REXO1: variants seen among roughly 807,000 people sequenced by gnomAD.
REXO1 encodes RNA exonuclease 1 homolog.
REXO1 carries 42 observed loss-of-function variants against 102.6 expected under a neutral mutation model. The ratio of observed to expected loss-of-function variants is 0.41; its 90% CI spans 0.32 to 0.53. The LOEUF (loss-of-function observed/expected upper bound fraction) is 0.53, where lower values mean the gene tolerates loss of function less well. Ranked by LOEUF, REXO1 falls within the 20% of genes least tolerant of loss-of-function variation. REXO1 has a pLI of 0.27. For missense variants in REXO1, 1,819 were observed against 1,732.5 expected, an observed-to-expected ratio of 1.05 and a Z score of -0.89; for synonymous variants, 908 against 779.1, an observed-to-expected ratio of 1.17 and a Z score of -2.76.
At chr19:1,833,894 G>A (rs962035310) in intron 1 of REXO1, among the ~76,000 whole-genome samples, 4 of 152,220 alleles carry the variant, frequency 2.6e-5, no homozygotes, top group African/African-American at 9.7e-5. Context: ...GCAAGGCCAG[G>A]TCAGGGAGAC....
At chr19:1,841,812 G>C (rs1349968121) in intron 1 of REXO1, among the ~76,000 whole-genome samples, 1 of 152,198 alleles carries the variant, frequency 6.6e-6, no homozygotes, top group Non-Finnish European at 1.5e-5. Context: ...GCCCCAGCGA[G>C]CTGCTCTGCC....
chr19:1,842,596 G>C (rs2011336450), intron 1 of REXO1, among the ~76,000 whole-genome samples: 1 of 152,256 alleles, frequency 6.6e-6, no homozygotes, highest in Non-Finnish European at 1.5e-5. Flanking sequence ...AAGCTGCCCA[G>C]GCGCTCCGGA....
Position 1,828,530 on chromosome 19 carries a change from C to G in REXO1, c.259G>C (p.Glu87Gln). The G allele has an allele frequency of 6.2e-7, 1 of 1,604,612 alleles. No individual in the cohort carries two copies. Among genetic ancestry groups the G allele is most frequent in the Non-Finnish European group, 8.5e-7 (1 of 1,179,864 alleles). The part of the protein sequence containing the change: ...LGEEPRPDVL[E>Q]LELVNQAIEA... ...ATGGCCTGGTTGACCAGCTCCAACT[C>G]CAGCACATCCGGGCGCGGCTCCTCC... The change falls in exon 2 of 16, where the codon GAG (glutamate) becomes CAG (glutamine). Residue 87 changes from glutamate (E) to glutamine (Q), a missense_variant. Glu to Gln is a conservative substitution (Grantham distance 29). Coordinates refer to ENST00000170168, the MANE Select transcript of REXO1 (RefSeq NM_020695.4).
Position 1,818,705 on chromosome 19 carries a change from C to A in REXO1, c.2902+1G>T, listed in dbSNP as rs770561331. On this transcript the variant is annotated splice_donor_variant, in intron 9 of 15. Transcript: ENST00000170168. LOFTEE classifies it high-confidence loss of function. Reference sequence around the variant, plus strand: ...TAGGCCGTCGCAGGCCAGCGACTCACAGTCCTTGGGCCTCTTCTCCTCAGC... The same window carrying A: ...TAGGCCGTCGCAGGCCAGCGACTCAAAGTCCTTGGGCCTCTTCTCCTCAGC... 7.4e-6 allele frequency: 12 copies of A among 1,610,838 alleles called. No individual in the cohort carries two copies. The South Asian group carries it at 1.3e-4, about 18-fold the overall frequency.
rs1233266502 is a variant in REXO1 at position 1,827,331 on chromosome 19, C to T, written c.1458G>A (p.Lys486=). Residue 486 remains lysine (K), a synonymous_variant, in exon 2 of 16, where the codon AAG becomes AAA. Coordinates refer to ENST00000170168, the MANE Select transcript of REXO1 (RefSeq NM_020695.4). ...PLQLPDRKST[K]APSGKLVERK... ...GCTCCACTAGCTTCCCCGACGGGGC[C>T]TTGGTGCTCTTCCTGTCGGGCAGCT... is the stretch of plus-strand genomic sequence containing the variant. The T allele has an allele frequency of 1.4e-5, 22 of 1,556,800 alleles. No homozygotes were observed. Among genetic ancestry groups the T allele is most frequent in the Non-Finnish European group, 1.9e-5 (22 of 1,155,888 alleles).
intron 12 of REXO1, 123 bp downstream of exon 12, chr19:1,817,096 G>A: frequency 4.2e-6 from 5 of 1,198,378 alleles, no homozygotes; most frequent in Non-Finnish European, 3.5e-6. Context: ...AGGCACCGGT[G>A]CTGCGAGAGA....
At chr19:1,829,580 G>T (rs1174792375) in intron 1 of REXO1, among the ~76,000 whole-genome samples, 1 of 152,162 alleles carries the variant, frequency 6.6e-6, no homozygotes, top group East Asian at 1.9e-4. Flanking sequence ...AGGCCAAGGC[G>T]GGCGGATCAC....
rs752801488 is a variant in REXO1 at position 1,828,260 on chromosome 19, C to A, written c.529G>T (p.Gly177Cys). The change falls in exon 2 of 16, where the codon GGC becomes TGC. Residue 177 changes from glycine to cysteine, a missense_variant. Physicochemically the swap from Gly to Cys is radical, Grantham distance 159. Coordinates refer to ENST00000170168, the MANE Select transcript of REXO1 (RefSeq NM_020695.4). The part of the protein sequence containing the change: ...PTPLAAPAEP[G>C]SKYSLASLDR... ...AGGGACGCCAGCGAGTACTTGCTGCCCGGCTCGGCAGGGGCGGCCAGTGGG... is the reference window on the plus strand; with the variant it reads ...AGGGACGCCAGCGAGTACTTGCTGCACGGCTCGGCAGGGGCGGCCAGTGGG... 22 of 1,606,656 alleles carry A rather than the reference C, an allele frequency of 1.4e-5. No individual in the cohort carries two copies. The highest frequency in any genetic ancestry group is 1.9e-5 in the Non-Finnish European group (22 of 1,176,546).
chr19:1,824,950 T>G (rs1358945427), intron 3 of REXO1, among the ~76,000 whole-genome samples: 1 of 151,670 alleles, frequency 6.6e-6, no homozygotes, highest in African/African-American at 2.4e-5. Flanking sequence ...CGCGCCCAGC[T>G]AATATTTTGT....
chr19:1,837,621 A>G (rs1413531471), intron 1 of REXO1, among the ~76,000 whole-genome samples: 1 of 152,182 alleles, frequency 6.6e-6, no homozygotes, highest in Admixed American at 6.5e-5. Flanking sequence ...CCCAGGTCTC[A>G]GAGCTTGCTG....
chr19:1,833,527 C>T (rs1373315928), intron 1 of REXO1, among the ~76,000 whole-genome samples: 1 of 152,210 alleles, frequency 6.6e-6, no homozygotes, highest in Non-Finnish European at 1.5e-5. Flanking sequence ...GCTGCCAGTT[C>T]CTCTGTGCGG....
chr19:1,838,667 A>AT (rs1168443338), intron 1 of REXO1, among the ~76,000 whole-genome samples: 2 of 151,498 alleles, frequency 1.3e-5, no homozygotes, highest in Non-Finnish European at 3.0e-5. Context: ...TCCTTTTCAA[A>AT]AAAAAAAAAA....
Position 1,816,167 on chromosome 19 carries a change from T to TG in REXO1, c.3578-14dup. On this transcript the variant is annotated splice_polypyrimidine_tract_variant and intron_variant, in intron 15 of 15. Coordinates refer to ENST00000170168, the MANE Select transcript of REXO1 (RefSeq NM_020695.4). ...CTGTGCCCATCCACTGCGGGGCAGA[T>TG]GCGGTGAGCACCCGGCCCCTGCGCA... 6.4e-7 allele frequency: 1 copy of TG among 1,553,878 alleles called. No homozygotes were observed. The highest frequency in any genetic ancestry group is 8.7e-7 in the Non-Finnish European group (1 of 1,148,132).
chr19:1,832,826 G>A (rs543280843), intron 1 of REXO1, among the ~76,000 whole-genome samples: 1 of 148,486 alleles, frequency 6.7e-6, no homozygotes, highest in East Asian at 2.0e-4. Context: ...TGAGGCAGGA[G>A]AATCGCTTGA....
At chr19:1,842,142 C>T (rs1355782382) in intron 1 of REXO1, among the ~76,000 whole-genome samples, 1 of 147,760 alleles carries the variant, frequency 6.8e-6, no homozygotes, top group Non-Finnish European at 1.5e-5. Context: ...ATCCAGGAGG[C>T]GGAGGTTACA....
At position 1,816,916 on chromosome 19, in the gene REXO1, T is replaced by A. The variant is rs551927694; in HGVS notation, c.3202-103A>T. On this transcript the variant is annotated intron_variant, in intron 12 of 15. Coordinates refer to ENST00000170168, the MANE Select transcript of REXO1 (RefSeq NM_020695.4). ...CCAGAGCCCCTCCAGGCAGAGGCAG[T>A]GACCAGAGACTCTGTGGGACTTCTA... 3.4e-6 allele frequency: 3 copies of A among 895,176 alleles called. No homozygotes were observed. In the African/African-American group the frequency reaches 4.9e-5, roughly 15 times the overall value. 55.5% of individuals were successfully genotyped at this position (895,176 alleles called of 1,614,324 possible). A position where few individuals can be genotyped will look rare whatever the true frequency, so the allele number is the denominator to read the frequency against.
chr19:1,845,755 C>T (rs1242862810), intron 1 of REXO1, among the ~76,000 whole-genome samples: 1 of 152,188 alleles, frequency 6.6e-6, no homozygotes, highest in Non-Finnish European at 1.5e-5. Flanking sequence ...TGCTCAAGGT[C>T]GCCAATGACC....
chr19:1,833,885 C>G (rs950788194), intron 1 of REXO1, among the ~76,000 whole-genome samples: 1 of 152,202 alleles, frequency 6.6e-6, no homozygotes, highest in Non-Finnish European at 1.5e-5. Flanking sequence ...TGAGGAGGAG[C>G]AAGGCCAGGT....
chr19:1,835,024 C>A, intron 1 of REXO1: 1 of 408,512 alleles, frequency 2.4e-6, no homozygotes, highest in Non-Finnish European at 5.1e-6. Context: ...CAGGAAGTTG[C>A]CTGGGGCTCG....
Sources: allele counts gnomAD v4.1 joint callset (sites outside exome capture counted in the v4.1 genomes callset), GRCh38; gene constraint gnomAD v4.1.1; transcripts MANE v1.5; gene names NCBI Gene and HGNC (gene_info 2026-07-23, HGNC 2026-07-21).